PPP6R2: variants seen among roughly 807,000 people sequenced by gnomAD.
PPP6R2 encodes protein phosphatase 6 regulatory subunit 2, also known as serine/threonine-protein phosphatase 6 regulatory subunit 2.
A neutral mutation model predicts 100.2 loss-of-function variants in PPP6R2; 62 were observed. The ratio of observed to expected loss-of-function variants is 0.62; its 90% CI spans 0.50 to 0.76. PPP6R2 has a LOEUF of 0.76. PPP6R2 is among the 30% of genes least tolerant of loss of function. PPP6R2 has a pLI of 0.00. For synonymous variants in PPP6R2, 525 were observed against 514.7 expected, an observed-to-expected ratio of 1.02 and a Z score of -0.27; for missense variants, 1,142 against 1,276.3, an observed-to-expected ratio of 0.89 and a Z score of 1.60.
intron 3 of PPP6R2, among the ~76,000 whole-genome samples, chr22:50,402,561 T>A (rs1027684789): frequency 1.1e-4 from 16 of 152,170 alleles, no homozygotes; most frequent in Admixed American, 9.8e-4. Flanking sequence ...TTCTGTGGGC[T>A]CCTGAAACTC....
At chr22:50,357,521 TCTCA>T (rs988516194) in intron 1 of PPP6R2, among the ~76,000 whole-genome samples, 2 of 151,872 alleles carry the variant, frequency 1.3e-5, no homozygotes, top group Admixed American at 6.6e-5. Context: ...TTTGATGAGG[TCTCA>T]CTCTGTCACC....
chr22:50,435,763 G>A (rs1445046660), intron 13 of PPP6R2, among the ~76,000 whole-genome samples: 3 of 152,210 alleles, frequency 2.0e-5, no homozygotes, highest in African/African-American at 7.2e-5. Context: ...GGCAGGAGGA[G>A]CTTCCCCACA....
At chr22:50,371,520 AC>A (rs2050205602) in intron 1 of PPP6R2, among the ~76,000 whole-genome samples, 1 of 152,150 alleles carries the variant, frequency 6.6e-6, no homozygotes, top group Non-Finnish European at 1.5e-5. Context: ...AAAAAAGAAA[AC>A]TATCTTAAAA....
chr22:50,369,219 C>T (rs1475427530), intron 1 of PPP6R2, among the ~76,000 whole-genome samples: 1 of 146,340 alleles, frequency 6.8e-6, no homozygotes, highest in Non-Finnish European at 1.5e-5. Context: ...GCCTGGGCAA[C>T]AAGAGTGAAA....
Position 50,438,728 on chromosome 22 carries a change from G to C in PPP6R2, c.2094G>C (p.Lys698Asn). The C allele has an allele frequency of 6.2e-7, 1 of 1,609,988 alleles. No individual in the cohort carries two copies. The highest frequency in any genetic ancestry group is 1.1e-5 in the South Asian group (1 of 90,676). ...CAGGTGCCCCACCGGCCCCCGGGAA[G>C]AAGGAAGCGCCCCCTGTGGAGGGTG... is the stretch of plus-strand genomic sequence containing the variant. The part of the protein sequence containing the change: ...PGAGAPPAPG[K>N]KEAPPVEGDS... The change falls in exon 19 of 24, where the codon AAG (lysine) becomes AAC (asparagine). Residue 698 changes from lysine to asparagine, a missense_variant. Physicochemically the swap from Lys to Asn is moderately conservative, Grantham distance 94. Transcript: ENST00000612753.
chr22:50,437,217 T>C, intron 15 of PPP6R2, 149 bp downstream of exon 15: 1 of 815,620 alleles, frequency 1.2e-6, no homozygotes, highest in South Asian at 1.6e-5. Flanking sequence ...GGGGTGGGTC[T>C]GAAGGGAGAA....
intron 1 of PPP6R2, among the ~76,000 whole-genome samples, chr22:50,349,751 G>C (rs2044595238): frequency 6.6e-6 from 1 of 151,254 alleles, no homozygotes; most frequent in African/African-American, 2.4e-5. Flanking sequence ...GGAAGCGGAG[G>C]TTGCAGTGAG....
chr22:50,398,730 G>A (rs2057533015), intron 3 of PPP6R2, among the ~76,000 whole-genome samples: 1 of 151,772 alleles, frequency 6.6e-6, no homozygotes, highest in African/African-American at 2.4e-5. Flanking sequence ...GGCCAGGCTG[G>A]TCTTGAACTC....
chr22:50,337,109 A>AGTGT, the PPP6R2 span, among the ~76,000 whole-genome samples: 124 of 147,612 alleles, frequency 8.4e-4, 1 homozygote, highest in East Asian at 0.015. Context: ...TGATGAAGAG[A>AGTGT]GTGTGTGTGT....
chr22:50,370,431 G>A (rs569443936), intron 1 of PPP6R2, among the ~76,000 whole-genome samples: 4 of 151,690 alleles, frequency 2.6e-5, no homozygotes. Flanking sequence ...GGGATTACAG[G>A]CGCCTGCCAC....
At chr22:50,416,315 T>C (rs2060524767) in intron 6 of PPP6R2, among the ~76,000 whole-genome samples, 158 bp downstream of exon 6, 1 of 148,030 alleles carries the variant, frequency 6.8e-6, no homozygotes, top group African/African-American at 2.5e-5. Flanking sequence ...CACTGACTTC[T>C]AGGCTGGATT....
chr22:50,436,642 T>C (rs1277563087), intron 14 of PPP6R2, among the ~76,000 whole-genome samples, 190 bp downstream of exon 14: 3 of 152,242 alleles, frequency 2.0e-5, no homozygotes, highest in African/African-American at 7.2e-5. Flanking sequence ...GACCCCGTCC[T>C]GTGCCACACC....
At chr22:50,363,295 C>G (rs1279692734) in intron 1 of PPP6R2, among the ~76,000 whole-genome samples, 2 of 152,138 alleles carry the variant, frequency 1.3e-5, no homozygotes, top group Admixed American at 1.3e-4. Flanking sequence ...GTTCTGCAGG[C>G]CTTTAAGTTG....
intron 3 of PPP6R2, among the ~76,000 whole-genome samples, chr22:50,397,380 A>G (rs139508964): frequency 2.4e-3 from 372 of 152,330 alleles, no homozygotes; most frequent in Middle Eastern, 0.017. Context: ...GTGGTGGGAA[A>G]GCTTTGCCTT....
chr22:50,387,102 C>T (rs1274302064), intron 2 of PPP6R2, among the ~76,000 whole-genome samples: 5 of 152,124 alleles, frequency 3.3e-5, no homozygotes, highest in Admixed American at 6.6e-5. Flanking sequence ...GCTCTATCAC[C>T]GAGGCTGGAG....
upstream of PPP6R2, among the ~76,000 whole-genome samples, chr22:50,338,382 A>T: frequency 1.0e-5 from 1 of 95,516 alleles, no homozygotes; most frequent in African/African-American, 4.4e-5. Flanking sequence ...TATGGTATAT[A>T]GTGTCTGTGG....
intron 2 of PPP6R2, 45 bp from the exon 3 acceptor site, chr22:50,393,848 G>A (rs2056162174): frequency 1.2e-6 from 2 of 1,607,202 alleles, no homozygotes; most frequent in Non-Finnish European, 1.7e-6. Context: ...GCTGAAGGTG[G>A]ATTTGCAAGG....
chr22:50,441,568 G>A (rs1184950455), intron 22 of PPP6R2, among the ~76,000 whole-genome samples: 1 of 152,188 alleles, frequency 6.6e-6, no homozygotes, highest in Non-Finnish European at 1.5e-5. Context: ...ATAGTAGGAT[G>A]GGGGGCGGCG....
chr22:50,372,790 G>A (rs2050550317), intron 2 of PPP6R2, among the ~76,000 whole-genome samples: 1 of 151,574 alleles, frequency 6.6e-6, no homozygotes, highest in Non-Finnish European at 1.5e-5. Flanking sequence ...CCGGGATCAA[G>A]CGATTCTTCT....
Sources: allele counts gnomAD v4.1 joint callset (sites outside exome capture counted in the v4.1 genomes callset), GRCh38; gene constraint gnomAD v4.1.1; transcripts MANE v1.5; gene names NCBI Gene and HGNC (gene_info 2026-07-23, HGNC 2026-07-21).